POM121C: variants seen among roughly 807,000 people sequenced by gnomAD.
POM121C encodes nuclear envelope pore membrane protein POM 121C.
A neutral mutation model predicts 66.4 loss-of-function variants in POM121C; 20 were observed. The ratio of observed to expected loss-of-function variants is 0.30; its 90% CI spans 0.21 to 0.44. The LOEUF (loss-of-function observed/expected upper bound fraction) is 0.44. Among genes scored for constraint, POM121C ranks in the 20% least tolerant of loss-of-function variants. The probability of loss-of-function intolerance (pLI) is 1.00; values close to 1 mark genes in which losing one functional copy is unlikely to be tolerated. For missense variants in POM121C, 580 were observed against 1,225.7 expected (o/e 0.47, Z 7.87); for synonymous variants, 286 against 528.0 (o/e 0.54, Z 6.28).
In POM121C at chr7:75,476,182, T is replaced by C. The variant is rs587681902; in HGVS notation, c.-457-994A>G. ...GGCACATGCCTGTAGTTCCAGCTAC[T>C]TGGGAGGCTAAGGCAGGAGGATGGC... On this transcript the variant is annotated intron_variant, in intron 1 of 14. Transcript: ENST00000615331. Among the ~76,000 whole-genome samples, 302 of 152,270 alleles carry C rather than the reference T, an allele frequency of 2.0e-3. 3 individuals carry two copies. Among genetic ancestry groups the C allele is most frequent in the African/African-American group, 6.4e-3 (266 of 41,556 alleles).
At chr7:75,475,673 T>C (rs1341540019) in intron 1 of POM121C, among the ~76,000 whole-genome samples, 12 of 151,586 alleles carry the variant, frequency 7.9e-5, no homozygotes, top group Non-Finnish European at 1.2e-4. Context: ...TTTTGGCTCT[T>C]TTATTCTCAT....
At position 75,437,587 on chromosome 7, in the gene POM121C, G is replaced by A; in HGVS notation, c.408C>T (p.Tyr136=). 6.2e-7 allele frequency: 1 copy of A among 1,613,986 alleles called. No homozygotes were observed. Among genetic ancestry groups the A allele is most frequent in the Non-Finnish European group, 8.5e-7 (1 of 1,179,874 alleles). ...GGCTGGAGCTAGGGATGCCACTTGT[G>A]TAAGCGCCTGTCAAGGAGCTCATGG... ...SSSMSSLTGA[Y]TSGIPSSSRN... Residue 136 remains tyrosine, a synonymous_variant, in exon 7 of 15, where the codon TAC becomes TAT. Transcript: ENST00000615331.
At chr7:75,450,099 C>T (rs368877299) in intron 3 of POM121C, among the ~76,000 whole-genome samples, 9,902 of 152,190 alleles carry the variant, frequency 0.065, 446 homozygotes, top group Non-Finnish European at 0.1. Flanking sequence ...CAGCTATCTG[C>T]AAGCCAATGA....
intron 3 of POM121C, among the ~76,000 whole-genome samples, chr7:75,447,790 G>A (rs1440927253): frequency 1.3e-5 from 2 of 152,014 alleles, no homozygotes; most frequent in East Asian, 1.9e-4. Context: ...TTGGGAGGCC[G>A]AGGCAGGCGG....
intron 1 of POM121C, among the ~76,000 whole-genome samples, chr7:75,483,235 G>A (rs1428527711): frequency 4.6e-5 from 7 of 152,216 alleles, no homozygotes; most frequent in Non-Finnish European, 1.0e-4. Context: ...TAATTTAATG[G>A]TTGTTGTTAG....
At position 75,424,568 on chromosome 7, in the gene POM121C, CCTT is replaced by C. The variant is rs1348589786; in HGVS notation, c.826_828del (p.Lys276del). On this transcript the variant is annotated inframe_deletion, in exon 11 of 15. Coordinates refer to ENST00000615331, the MANE Select transcript of POM121C (RefSeq NM_001099415.3). ...GCCTGGTTGAACCACTGTAATGAAGCCTTCTTCTCTAAGTCTAGGTCCTCGGCA... is the reference window on the plus strand; with the variant it reads ...GCCTGGTTGAACCACTGTAATGAAGCCTTCTCTAAGTCTAGGTCCTCGGCA... 2 of 1,613,888 alleles carry C rather than the reference CCTT, an allele frequency of 1.2e-6. No homozygotes were observed. The highest frequency in any genetic ancestry group is 2.7e-5 in the African/African-American group (2 of 74,932).
intron 1 of POM121C, among the ~76,000 whole-genome samples, chr7:75,479,672 C>T (rs1307233178): frequency 5.3e-5 from 8 of 149,664 alleles, no homozygotes; most frequent in East Asian, 1.9e-4. Flanking sequence ...TTAACAACAA[C>T]GTAATAGATA....
Position 75,417,351 on chromosome 7 carries a change from A to T in POM121C, c.*1445T>A, listed in dbSNP as rs1412745699. ...ACTATACAGCTAATTCCTAGTTAAT[A>T]GCATTTATACTTAACCACCTCAATG... On this transcript the variant is annotated 3_prime_UTR_variant, in exon 15 of 15. Coordinates refer to ENST00000615331, the MANE Select transcript of POM121C (RefSeq NM_001099415.3). 2.3e-6 allele frequency: 2 copies of T among 867,424 alleles called. No homozygotes were observed. The highest frequency in any genetic ancestry group is 2.8e-6 in the Non-Finnish European group (2 of 722,124). 53.7% of individuals were successfully genotyped at this position (867,424 alleles called of 1,614,324 possible).
At chr7:75,432,407 T>C (rs587724546) in intron 7 of POM121C, among the ~76,000 whole-genome samples, 23 of 152,304 alleles carry the variant, frequency 1.5e-4, no homozygotes, top group African/African-American at 4.6e-4. Flanking sequence ...CCTACTGCTA[T>C]GTGCATGAAT....
intron 1 of POM121C, among the ~76,000 whole-genome samples, chr7:75,482,532 C>T (rs1284052150): frequency 3.3e-5 from 5 of 151,754 alleles, no homozygotes; most frequent in Non-Finnish European, 7.4e-5. Context: ...TACTAAAATA[C>T]AAAAAAAATT....
intron 7 of POM121C, among the ~76,000 whole-genome samples, chr7:75,433,793 T>C (rs1413893033): frequency 2.0e-5 from 3 of 152,232 alleles, no homozygotes; most frequent in Non-Finnish European, 4.4e-5. Context: ...ACATAGTATA[T>C]TTCAACTTAC....
At chr7:75,481,780 C>T (rs1476511201) in intron 1 of POM121C, among the ~76,000 whole-genome samples, 3 of 152,040 alleles carry the variant, frequency 2.0e-5, no homozygotes, top group Admixed American at 6.6e-5. Context: ...GAGCCATAAA[C>T]GTGCCAGCCT....
At position 75,437,584 on chromosome 7, in the gene POM121C, T is replaced by C. The variant is rs782090222; in HGVS notation, c.411A>G (p.Thr137=). The C allele has an allele frequency of 8.7e-6, 14 of 1,613,848 alleles. No homozygotes were observed. In the African/African-American group the frequency reaches 1.7e-4, roughly 20 times the overall value. Residue 137 remains threonine (T), a synonymous_variant, in exon 7 of 15, where the codon ACA becomes ACG. Transcript: ENST00000615331. ...TGCGGCTGGAGCTAGGGATGCCACT[T>C]GTGTAAGCGCCTGTCAAGGAGCTCA... ...SSMSSLTGAY[T]SGIPSSSRNA...
intron 3 of POM121C, among the ~76,000 whole-genome samples, chr7:75,472,385 T>C (rs28811314): frequency 6.6e-6 from 1 of 151,768 alleles, no homozygotes; most frequent in East Asian, 2.0e-4. Context: ...TGATGGTGCA[T>C]GCCTGTAATC....
At chr7:75,473,053 G>A (rs1175641003) in intron 3 of POM121C, among the ~76,000 whole-genome samples, 3 of 152,188 alleles carry the variant, frequency 2.0e-5, no homozygotes, top group African/African-American at 4.8e-5. Context: ...ACAAACCATG[G>A]AGAGAAGACT....
At chr7:75,444,265 G>A (rs1445902477) in intron 3 of POM121C, among the ~76,000 whole-genome samples, 2 of 126,074 alleles carry the variant, frequency 1.6e-5, no homozygotes, top group Admixed American at 1.7e-4. Context: ...AAAGGGGGGG[G>A]GGGGCGGAGG....
intron 3 of POM121C, among the ~76,000 whole-genome samples, chr7:75,463,709 T>G (rs1791526762): frequency 6.6e-6 from 1 of 152,120 alleles, no homozygotes; most frequent in Non-Finnish European, 1.5e-5. Flanking sequence ...TTTCCTTTTT[T>G]GAGACGGAGT....
intron 3 of POM121C, among the ~76,000 whole-genome samples, chr7:75,470,135 C>T (rs1346609801): frequency 6.8e-6 from 1 of 147,686 alleles, no homozygotes; most frequent in Non-Finnish European, 1.5e-5. Flanking sequence ...AGGCTGGTCT[C>T]GAACTCCTGA....
chr7:75,457,070 C>T (rs1201699967), intron 3 of POM121C, among the ~76,000 whole-genome samples: 1 of 150,292 alleles, frequency 6.7e-6, no homozygotes, highest in Non-Finnish European at 1.5e-5. Context: ...CTGCTTGAAC[C>T]CAGGAGGTGG....
Sources: allele counts gnomAD v4.1 joint callset (sites outside exome capture counted in the v4.1 genomes callset), GRCh38; gene constraint gnomAD v4.1.1; transcripts MANE v1.5; gene names NCBI Gene and HGNC (gene_info 2026-07-23, HGNC 2026-07-21).